DLGAP4: variants seen among roughly 807,000 people sequenced by gnomAD.
DLGAP4 encodes the protein disks large-associated protein 4.
DLGAP4 carries 18 observed loss-of-function variants against 86.9 expected under a neutral mutation model. The ratio of observed to expected loss-of-function variants is 0.21; its 90% CI spans 0.14 to 0.31. The LOEUF (loss-of-function observed/expected upper bound fraction) is 0.31, where lower values mean the gene tolerates loss of function less well. DLGAP4 is among the 10% of genes least tolerant of loss of function. The pLI is 1.00. For missense variants in DLGAP4, 1,085 were observed against 1,362.6 expected, an observed-to-expected ratio of 0.80 and a Z score of 3.21; for synonymous variants, 548 against 574.3, an observed-to-expected ratio of 0.95 and a Z score of 0.65.
intron 7 of DLGAP4, among the ~76,000 whole-genome samples, chr20:36,454,455 A>G (rs905520944): frequency 2.4e-4 from 37 of 152,140 alleles, no homozygotes; most frequent in African/African-American, 8.7e-4. Context: ...ATCCTTGATC[A>G]GTATAAAACT....
At chr20:36,483,634 A>T (rs138520937) in intron 7 of DLGAP4, among the ~76,000 whole-genome samples, 1 of 152,312 alleles carries the variant, frequency 6.6e-6, no homozygotes, top group East Asian at 1.9e-4. Context: ...CCCCTTGGGA[A>T]TCCCCAGAAC....
intron 2 of DLGAP4, among the ~76,000 whole-genome samples, chr20:36,420,153 C>G (rs2032781207): frequency 6.6e-6 from 1 of 152,316 alleles, no homozygotes; most frequent in East Asian, 1.9e-4. Context: ...TTGGCGTCCC[C>G]AAGGCCTTCC....
chr20:36,319,804 G>A (rs1379468361), intron 1 of DLGAP4, among the ~76,000 whole-genome samples: 2 of 152,112 alleles, frequency 1.3e-5, no homozygotes, highest in African/African-American at 4.8e-5. Context: ...TAGGAGGCCT[G>A]GGAGGCAGGT....
At position 36,446,716 on chromosome 20, in the gene DLGAP4, G is replaced by C; in HGVS notation, c.1427G>C (p.Ser476Thr). ...GGACAGGTACGGGAGGCAGAGCTGA[G>C]TGACCAGTATGAGGCGGCCTGCGAG... ...HEQQVREAEL[S>T]DQYEAACESA... Residue 476 changes from serine to threonine, a missense_variant, in exon 7 of 13, where the codon AGT becomes ACT. By Grantham distance (58) the Ser-to-Thr change is moderately conservative. Coordinates refer to ENST00000339266, the MANE Select transcript of DLGAP4 (RefSeq NM_001365621.2). 1 of 1,606,156 alleles carries C rather than the reference G, an allele frequency of 6.2e-7. No homozygotes were observed. The highest frequency in any genetic ancestry group is 8.5e-7 in the Non-Finnish European group (1 of 1,174,190).
In DLGAP4 at chr20:36,332,161, C is replaced by T. The variant is rs910555278; in HGVS notation, c.-304+25649C>T. On this transcript the variant is annotated intron_variant, in intron 1 of 12. Coordinates refer to ENST00000339266, the MANE Select transcript of DLGAP4 (RefSeq NM_001365621.2). ...AAGGGATGCCCAGGAGAAGGCTGGGCCAGTCATCTGGACGGGATGGAGAGG... is the reference window on the plus strand; with the variant it reads ...AAGGGATGCCCAGGAGAAGGCTGGGTCAGTCATCTGGACGGGATGGAGAGG... Among the ~76,000 whole-genome samples, 68 of 151,980 alleles carry T rather than the reference C, an allele frequency of 4.5e-4. 1 individual carries two copies. Among genetic ancestry groups the T allele is most frequent in the African/African-American group, 1.5e-3 (63 of 41,374 alleles).
chr20:36,525,215 TC>T (rs1428742053), intron 11 of DLGAP4, among the ~76,000 whole-genome samples: 3 of 27,470 alleles, frequency 1.1e-4, no homozygotes, highest in Non-Finnish European at 1.6e-4. Context: ...AGACTCCGTC[TC>T]AAAAAAAAAA....
At chr20:36,428,338 T>G (rs1044754387) in intron 2 of DLGAP4, among the ~76,000 whole-genome samples, 1 of 152,216 alleles carries the variant, frequency 6.6e-6, no homozygotes, top group Non-Finnish European at 1.5e-5. Context: ...GGCTACCATA[T>G]TGGACAGCTC....
intron 2 of DLGAP4, among the ~76,000 whole-genome samples, chr20:36,375,320 A>G (rs1400778377): frequency 6.6e-6 from 1 of 152,144 alleles, no homozygotes; most frequent in Non-Finnish European, 1.5e-5. Flanking sequence ...ATGTTTTGTG[A>G]CTGTTTTGAG....
At chr20:36,488,322 A>T (rs1041256941) in intron 7 of DLGAP4, among the ~76,000 whole-genome samples, 1 of 152,080 alleles carries the variant, frequency 6.6e-6, no homozygotes, top group Non-Finnish European at 1.5e-5. Flanking sequence ...AGTGCAGGCA[A>T]ATCTCCACCT....
At chr20:36,360,978 C>T (rs782183223) in intron 1 of DLGAP4, among the ~76,000 whole-genome samples, 3 of 151,646 alleles carry the variant, frequency 2.0e-5, no homozygotes, top group Non-Finnish European at 4.4e-5. Context: ...CAGAGAGACT[C>T]GGGAGGTCAG....
chr20:36,361,432 G>T (rs2030515865), intron 1 of DLGAP4, among the ~76,000 whole-genome samples: 1 of 152,118 alleles, frequency 6.6e-6, no homozygotes. Flanking sequence ...AGCTTTGTTT[G>T]GTTTGTTTTT....
chr20:36,514,753 T>C (rs2036937196), intron 10 of DLGAP4, among the ~76,000 whole-genome samples: 1 of 152,090 alleles, frequency 6.6e-6, no homozygotes, highest in South Asian at 2.1e-4. Flanking sequence ...AGCATGTTTA[T>C]ATGTTGCTGA....
intron 10 of DLGAP4, among the ~76,000 whole-genome samples, chr20:36,503,239 A>T (rs150270514): frequency 6.6e-6 from 1 of 152,126 alleles, no homozygotes; most frequent in Non-Finnish European, 1.5e-5. Flanking sequence ...TATAATTCAC[A>T]TACCACAAAA....
At chr20:36,368,422 C>A (rs749184272) in intron 2 of DLGAP4, among the ~76,000 whole-genome samples, 67 of 152,250 alleles carry the variant, frequency 4.4e-4, no homozygotes, top group Non-Finnish European at 8.2e-4. Flanking sequence ...GTTTCTTTAA[C>A]CCTTGAAGTT....
intron 1 of DLGAP4, among the ~76,000 whole-genome samples, chr20:36,344,657 AAGTGTTTTCC>A (rs1177457312): frequency 6.6e-6 from 1 of 152,142 alleles, no homozygotes; most frequent in Non-Finnish European, 1.5e-5. Flanking sequence ...CTGCTCTTAG[AAGTGTTTTCC>A]AGGGGAACCT....
chr20:36,453,628 G>A (rs1371597580), intron 7 of DLGAP4, among the ~76,000 whole-genome samples: 1 of 151,648 alleles, frequency 6.6e-6, no homozygotes, highest in Non-Finnish European at 1.5e-5. Context: ...ATGAGACTCT[G>A]TCTTTAAAAA....
chr20:36,382,879 T>C (rs184609963), intron 2 of DLGAP4, among the ~76,000 whole-genome samples: 2 of 152,258 alleles, frequency 1.3e-5, no homozygotes, highest in African/African-American at 2.4e-5. Flanking sequence ...TTGTCTTGTC[T>C]ACCCCTCAAT....
chr20:36,460,497 C>G (rs928646048), intron 7 of DLGAP4, among the ~76,000 whole-genome samples: 2 of 152,184 alleles, frequency 1.3e-5, no homozygotes, highest in Non-Finnish European at 2.9e-5. Context: ...CGCCAGTGCT[C>G]AAAATATTTT....
intron 7 of DLGAP4, among the ~76,000 whole-genome samples, chr20:36,470,265 A>G (rs555445418): frequency 6.6e-6 from 1 of 152,232 alleles, no homozygotes; most frequent in African/African-American, 2.4e-5. Context: ...CTCAAAGTCA[A>G]GTTTTCCCAC....
Sources: allele counts gnomAD v4.1 joint callset (sites outside exome capture counted in the v4.1 genomes callset), GRCh38; gene constraint gnomAD v4.1.1; transcripts MANE v1.5; gene names NCBI Gene and HGNC (gene_info 2026-07-23, HGNC 2026-07-21).